CYP4F11: variants seen among roughly 807,000 people sequenced by gnomAD.
CYP4F11 encodes cytochrome P450 family 4 subfamily F member 11.
Under a neutral mutation model 62.2 loss-of-function variants are expected in CYP4F11, and 79 were observed. The ratio of observed to expected loss-of-function variants is 1.27; its 90% CI spans 1.06 to 1.53. The LOEUF (loss-of-function observed/expected upper bound fraction) is 1.53, where lower values mean the gene tolerates loss of function less well. CYP4F11 is among the 40% of genes most tolerant of loss of function. CYP4F11 has a pLI of 0.00. For synonymous variants in CYP4F11, 290 were observed against 263.7 expected, an observed-to-expected ratio of 1.10 and a Z score of -0.97; for missense variants, 777 against 680.5, an observed-to-expected ratio of 1.14 and a Z score of -1.58.
At chr19:15,924,721 G>A in intron 5 of CYP4F11, 40 bp downstream of exon 5, 2 of 1,596,514 alleles carry the variant, frequency 1.3e-6, no homozygotes, top group Non-Finnish European at 1.7e-6. Context: ...ACTCCCTTGG[G>A]TTCCAGGCCC....
intron 7 of CYP4F11, 63 bp downstream of exon 7, chr19:15,922,301 C>G: frequency 6.2e-7 from 1 of 1,607,958 alleles, no homozygotes; most frequent in Non-Finnish European, 8.5e-7. Flanking sequence ...CAGGGTCCAC[C>G]CACTACGTTC....
In CYP4F11 at chr19:15,913,784, G is replaced by C; in HGVS notation, c.1523C>G (p.Ala508Gly). 1 of 1,614,222 alleles carries C rather than the reference G, an allele frequency of 6.2e-7. No homozygotes were observed. The highest frequency in any genetic ancestry group is 8.5e-7 in the Non-Finnish European group (1 of 1,180,026). The change falls in exon 12 of 12, where the codon GCA (alanine) becomes GGA (glycine). Residue 508 changes from alanine (A) to glycine (G), a missense_variant. Ala to Gly is a moderately conservative substitution (Grantham distance 60). Transcript: ENST00000402119. ...PRRKPELILR[A>G]EGGLWLRVEP... ...CACCCGCAGCCAAAGTCCACCCTCT[G>C]CGCGCAATATCAGCTCGGGTTTCCT...
At chr19:15,927,587 AC>A in intron 2 of CYP4F11, 104 bp from the exon 3 acceptor site, 1 of 1,474,378 alleles carries the variant, frequency 6.8e-7, no homozygotes, top group Non-Finnish European at 9.3e-7. Flanking sequence ...CACGCATCCC[AC>A]CCAGCATAGC....
At chr19:15,923,755 T>G (rs1419933032) in intron 6 of CYP4F11, 57 bp downstream of exon 6, 2 of 1,562,978 alleles carry the variant, frequency 1.3e-6, no homozygotes, top group Non-Finnish European at 8.7e-7. Flanking sequence ...TTCTTTCATT[T>G]GACAGAGGCA....
chr19:15,914,054 G>T, intron 11 of CYP4F11, 145 bp from the exon 12 acceptor site: 1 of 1,156,022 alleles, frequency 8.7e-7, no homozygotes, highest in Non-Finnish European at 1.2e-6. Context: ...GGACTCCCAT[G>T]TGTGCTTGCA....
Position 15,924,033 on chromosome 19 carries a change from C to T in CYP4F11, c.697G>A (p.Glu233Lys), listed in dbSNP as rs199651885. ...AAGAGAATCTGCTGGTTTCTCTTTT[C>T]TACAAAGGCACTGAGCTCCAAGATG... ...AAILELSAFV[E>K]KRNQQILLHT... is the part of the protein sequence containing the mutation. Residue 233 changes from glutamate (E) to lysine (K), a missense_variant, in exon 6 of 12, where the codon GAA becomes AAA. Transcript: ENST00000402119. The T allele has an allele frequency of 1.1e-4, 170 of 1,614,188 alleles. 1 individual carries two copies. The African/African-American group carries it at 1.7e-3, about 16-fold the overall frequency.
rs73928279 is a variant in CYP4F11, at chr19:15,922,023, G to C, written c.1115+14C>G. On this transcript the variant is annotated intron_variant, in intron 8 of 11. Transcript: ENST00000402119. ...ATGACAAAAGATCAGGAACAGGCCA[G>C]CACCTGCACTCACCATTCAATCTCT... is the stretch of plus-strand genomic sequence containing the variant. 6.3e-7 allele frequency: 1 copy of C among 1,584,614 alleles called. No homozygotes were observed. Among genetic ancestry groups the C allele is most frequent in the Non-Finnish European group, 8.6e-7 (1 of 1,167,590 alleles).
At chr19:15,928,025 A>T (rs1456371479) in intron 2 of CYP4F11, 1 of 153,556 alleles carries the variant, frequency 6.5e-6, no homozygotes, top group Non-Finnish European at 1.4e-5. Context: ...TGTCCTAAAC[A>T]TGGCCCGGGT....
At chr19:15,920,787 CT>C (rs199942274) in intron 8 of CYP4F11, among the ~76,000 whole-genome samples, 1 of 152,036 alleles carries the variant, frequency 6.6e-6, no homozygotes, top group African/African-American at 2.4e-5. Context: ...AAGTTCTTGA[CT>C]TTTTTTTCCA....
chr19:15,929,461 G>A lies in CYP4F11; in HGVS notation c.339C>T (p.Ala113=). The A allele has an allele frequency of 6.2e-7, 1 of 1,614,148 alleles. No individual in the cohort carries two copies. The highest frequency in any genetic ancestry group is 8.5e-7 in the Non-Finnish European group (1 of 1,180,036). The change falls in exon 2 of 12, where the codon GCC becomes GCT. Residue 113 remains alanine, a synonymous_variant. Transcript: ENST00000402119. ...CCACAAGCTCTGCACGGGTACCTGA[G>A]GCACTGGTGATAGGCCGGATAATGT... ...HPDIIRPITS[A]SAAVAPKDMI... is the part of the protein sequence containing the mutation.
intron 11 of CYP4F11, 62 bp downstream of exon 11, chr19:15,914,243 C>T (rs2089562733): frequency 2.6e-6 from 4 of 1,549,120 alleles, no homozygotes; most frequent in South Asian, 1.1e-5. Flanking sequence ...TCTGTAACTT[C>T]CCCCTTTTTG....
intron 8 of CYP4F11, among the ~76,000 whole-genome samples, chr19:15,920,610 G>A (rs2089618455): frequency 6.6e-6 from 1 of 152,292 alleles, no homozygotes; most frequent in Non-Finnish European, 1.5e-5. Context: ...GGCCTGTCCA[G>A]CTCAATGTCT....
chr19:15,914,129 T>C (rs1161579266), intron 11 of CYP4F11, among the ~76,000 whole-genome samples, 176 bp downstream of exon 11: 1 of 152,146 alleles, frequency 6.6e-6, no homozygotes, highest in Non-Finnish European at 1.5e-5. Context: ...GAGGGGACTC[T>C]GAGCACACCG....
At chr19:15,924,285 T>C (rs1025157005) in intron 5 of CYP4F11, among the ~76,000 whole-genome samples, 5 of 152,146 alleles carry the variant, frequency 3.3e-5, no homozygotes, top group African/African-American at 1.2e-4. Context: ...TTGGACACCA[T>C]GCTTCTCTCC....
At chr19:15,934,170 T>C in intron 1 of CYP4F11, 41 bp downstream of exon 1, 1 of 1,601,578 alleles carries the variant, frequency 6.2e-7, no homozygotes, top group Non-Finnish European at 8.5e-7. Context: ...AGGAACTCCA[T>C]GCATCCTGAG....
At chr19:15,914,461 C>T (rs2089565994) in intron 10 of CYP4F11, 74 bp from the exon 11 acceptor site, 2 of 1,560,716 alleles carry the variant, frequency 1.3e-6, no homozygotes, top group African/African-American at 2.7e-5. Context: ...GTCTCCAAGA[C>T]CCCCGGCCTT....
chr19:15,914,850 C>A lies in CYP4F11; in HGVS notation c.1161G>T (p.Glu387Asp). The change falls in exon 9 of 12, where the codon GAG (glutamate) becomes GAT (aspartate). Residue 387 changes from glutamate to aspartate, a missense_variant. By Grantham distance (45) the Glu-to-Asp change is conservative (BLOSUM62 2). Transcript: ENST00000402119. ...QLPFLTMCIK[E>D]SLRLHPPVPV... ...GGACTGGGGGATGCAACCGCAGGCT[C>A]TCCTTAATGCACATGGTCAGGAAGG... The A allele has an allele frequency of 6.2e-7, 1 of 1,614,170 alleles. No homozygotes were observed. Among genetic ancestry groups the A allele is most frequent in the South Asian group, 1.1e-5 (1 of 91,082 alleles).
chr19:15,917,659 C>T (rs2089593262), intron 8 of CYP4F11, among the ~76,000 whole-genome samples: 1 of 151,706 alleles, frequency 6.6e-6, no homozygotes, highest in African/African-American at 2.4e-5. Context: ...CAAAAGTGTC[C>T]CCAAGAAGTC....
chr19:15,914,412 G>A (rs774313009), intron 10 of CYP4F11, 25 bp from the exon 11 acceptor site: 4 of 1,607,462 alleles, frequency 2.5e-6, no homozygotes, highest in Non-Finnish European at 2.6e-6. Context: ...AAGAAGGCTT[G>A]CTGGGTGGGG....
Sources: gnomAD v4.1 joint callset for allele counts (sites outside exome capture counted in the v4.1 genomes callset) on GRCh38, gnomAD v4.1.1 for gene constraint, MANE v1.5 for transcripts, NCBI Gene and HGNC (gene_info 2026-07-23, HGNC 2026-07-21) for gene names.